Variants in NCALD observed in about 807,000 individuals in gnomAD.
The protein encoded by NCALD is neurocalcin-delta.
NCALD carries 10 observed loss-of-function variants against 18.6 expected under a neutral mutation model. The observed-to-expected ratio is 0.54, with a 90% CI of 0.33 to 0.91. NCALD has a LOEUF of 0.91. Ranked by LOEUF, NCALD falls within the 40% of genes least tolerant of loss-of-function variation. The pLI is 0.03. For missense variants in NCALD, 184 were observed against 247.6 expected (o/e 0.74, Z 1.72); for synonymous variants, 88 against 87.4 (o/e 1.01, Z -0.04).
chr8:101,747,964 C>T (rs572487739), intron 1 of NCALD, among the ~76,000 whole-genome samples: 5 of 152,190 alleles, frequency 3.3e-5, no homozygotes, highest in African/African-American at 7.2e-5. Flanking sequence ...GTGATCTGCC[C>T]GCCTCGGCCT....
chr8:101,766,059 C>T (rs1435613310), intron 1 of NCALD, among the ~76,000 whole-genome samples: 2 of 152,126 alleles, frequency 1.3e-5, no homozygotes, highest in South Asian at 2.1e-4. Context: ...GTCCCTTGCC[C>T]GCAACCCACC....
intron 4 of NCALD, among the ~76,000 whole-genome samples, chr8:101,804,003 A>C (rs1377272719): frequency 6.6e-6 from 1 of 152,066 alleles, no homozygotes; most frequent in Admixed American, 6.6e-5. Context: ...TATTTTAAGA[A>C]ATAGCCATAG....
chr8:102,092,911 C>T (rs560023687), intron 1 of NCALD, among the ~76,000 whole-genome samples: 32 of 152,320 alleles, frequency 2.1e-4, no homozygotes, highest in Admixed American at 3.3e-4. Context: ...TGCACCTCTA[C>T]GCCTCCATTG....
At chr8:101,842,069 T>A (rs1326025261) in intron 4 of NCALD, among the ~76,000 whole-genome samples, 1 of 152,130 alleles carries the variant, frequency 6.6e-6, no homozygotes, top group African/African-American at 2.4e-5. Context: ...AGGGTTGGTT[T>A]TATCTGAGGT....
At chr8:101,876,442 C>T (rs921978590) in intron 4 of NCALD, among the ~76,000 whole-genome samples, 2 of 152,196 alleles carry the variant, frequency 1.3e-5, no homozygotes, top group East Asian at 1.9e-4. Context: ...CTGCATCTCA[C>T]GGGACATCAT....
At chr8:101,702,183 T>C (rs1477041785) in intron 2 of NCALD, among the ~76,000 whole-genome samples, 3 of 152,044 alleles carry the variant, frequency 2.0e-5, no homozygotes, top group Non-Finnish European at 4.4e-5. Context: ...AAATGGAGTT[T>C]GAACCACTGA....
At chr8:102,105,897 C>T (rs2132430632) in intron 1 of NCALD, among the ~76,000 whole-genome samples, 1 of 152,236 alleles carries the variant, frequency 6.6e-6, no homozygotes, top group South Asian at 2.1e-4. Flanking sequence ...TAACACACTA[C>T]CTCCCAGGAT....
intron 2 of NCALD, among the ~76,000 whole-genome samples, chr8:101,716,165 T>C (rs980897539): frequency 2.0e-5 from 3 of 152,220 alleles, no homozygotes; most frequent in Non-Finnish European, 2.9e-5. Context: ...TCATGTCCTT[T>C]GCTGGGACAT....
In NCALD at chr8:101,719,581, G is replaced by C. The variant is rs1181916900; in HGVS notation, c.49C>G (p.Leu17Val). 5 of 1,611,212 alleles carry C rather than the reference G, an allele frequency of 3.1e-6. No individual in the cohort carries two copies. The highest frequency in any genetic ancestry group is 2.2e-5 in the South Asian group (2 of 90,260). The change falls in exon 2 of 4, where the codon CTG becomes GTG. Residue 17 changes from leucine (L) to valine (V), a missense_variant. Physicochemically the swap from Leu to Val is conservative, Grantham distance 32. Transcript: ENST00000220931. Reference sequence around the variant, plus strand: ...TGCTCTGTAAAGTCTGTGCTTTCCAGCAAGTCCTGCATGACCTCCGGGCGC... The same window carrying C: ...TGCTCTGTAAAGTCTGTGCTTTCCACCAAGTCCTGCATGACCTCCGGGCGC... ...KLRPEVMQDL[L>V]ESTDFTEHEI...
intron 4 of NCALD, among the ~76,000 whole-genome samples, chr8:101,831,856 C>A (rs1460963837): frequency 6.6e-6 from 1 of 152,210 alleles, no homozygotes; most frequent in Admixed American, 6.5e-5. Context: ...ATTAGGAAAT[C>A]CAAATTCCCG....
intron 1 of NCALD, among the ~76,000 whole-genome samples, chr8:101,722,082 G>A (rs761044884): frequency 2.0e-5 from 3 of 152,090 alleles, no homozygotes; most frequent in East Asian, 1.9e-4. Context: ...GGCTCATGCC[G>A]TCTTCCAAAT....
intron 4 of NCALD, among the ~76,000 whole-genome samples, chr8:101,818,127 T>G (rs914949935): frequency 6.6e-6 from 1 of 152,168 alleles, no homozygotes; most frequent in African/African-American, 2.4e-5. Context: ...ATTTAAAAAT[T>G]ATAAAACATT....
At chr8:101,985,831 T>C (rs184549825) in intron 2 of NCALD, among the ~76,000 whole-genome samples, 147 of 152,268 alleles carry the variant, frequency 9.7e-4, no homozygotes, top group African/African-American at 3.4e-3. Flanking sequence ...ATTTTTAAAA[T>C]ACGCATTTAA....
At chr8:101,692,526 C>G in intron 3 of NCALD, 1 of 985,440 alleles carries the variant, frequency 1.0e-6, no homozygotes, top group Non-Finnish European at 1.2e-6. Context: ...TCCTTTCATT[C>G]TTGCCCCACA....
At chr8:101,727,299 C>T (rs939084219) in intron 1 of NCALD, among the ~76,000 whole-genome samples, 2 of 152,162 alleles carry the variant, frequency 1.3e-5, no homozygotes, top group African/African-American at 4.8e-5. Flanking sequence ...TCACTTCTTG[C>T]CGTTTCCATT....
At chr8:101,736,632 T>A (rs1475802410) in intron 1 of NCALD, among the ~76,000 whole-genome samples, 1 of 151,772 alleles carries the variant, frequency 6.6e-6, no homozygotes, top group Admixed American at 6.6e-5. Context: ...CCGTGGTGAG[T>A]GGAAATGGTA....
chr8:101,977,550 A>C (rs999566686), intron 2 of NCALD, among the ~76,000 whole-genome samples: 2 of 152,232 alleles, frequency 1.3e-5, no homozygotes, highest in Non-Finnish European at 2.9e-5. Context: ...TGTTATTAAC[A>C]TGGGGCTTGG....
At chr8:102,122,260 G>T (rs757580496) in intron 1 of NCALD, among the ~76,000 whole-genome samples, 6 of 152,202 alleles carry the variant, frequency 3.9e-5, no homozygotes, top group Non-Finnish European at 8.8e-5. Context: ...GAGGCTACGT[G>T]GGGGGAGGCT....
intron 2 of NCALD, among the ~76,000 whole-genome samples, chr8:101,715,388 C>G (rs1488123259): frequency 6.6e-6 from 1 of 152,040 alleles, no homozygotes; most frequent in African/African-American, 2.4e-5. Flanking sequence ...AGAAGAAAAC[C>G]TAGGCAATAC....
Sources: gnomAD v4.1 joint callset for allele counts (sites outside exome capture counted in the v4.1 genomes callset) on GRCh38, gnomAD v4.1.1 for gene constraint, MANE v1.5 for transcripts, NCBI Gene and HGNC (gene_info 2026-07-23, HGNC 2026-07-21) for gene names.